The following ZCCHC7 variants were observed in gnomAD, a reference collection of about 807,000 sequenced individuals.
ZCCHC7 encodes the protein zinc finger CCHC domain-containing protein 7.
A neutral mutation model predicts 52.0 loss-of-function variants in ZCCHC7; 35 were observed. The ratio of observed to expected loss-of-function variants is 0.67; its 90% CI spans 0.51 to 0.89. The LOEUF (loss-of-function observed/expected upper bound fraction) is 0.89, where lower values mean the gene tolerates loss of function less well. Among genes scored for constraint, ZCCHC7 ranks in the 40% least tolerant of loss-of-function variants. The probability of loss-of-function intolerance (pLI) is 0.00; values close to 1 mark genes in which losing one functional copy is unlikely to be tolerated. For synonymous variants in ZCCHC7, 217 were observed against 221.5 expected, an observed-to-expected ratio of 0.98 and a Z score of 0.18; for missense variants, 574 against 649.1, an observed-to-expected ratio of 0.88 and a Z score of 1.26.
chr9:37,183,300 A>G (rs943821831), intron 2 of ZCCHC7, among the ~76,000 whole-genome samples: 1 of 152,230 alleles, frequency 6.6e-6, no homozygotes, highest in Non-Finnish European at 1.5e-5. Flanking sequence ...GAGAATAGGT[A>G]CTTGAATATA....
intron 2 of ZCCHC7, among the ~76,000 whole-genome samples, chr9:37,298,231 A>C (rs540118824): frequency 6.6e-6 from 1 of 152,364 alleles, no homozygotes; most frequent in Admixed American, 6.5e-5. Context: ...ATAGCAGAAT[A>C]GTTCCACAAA....
intron 2 of ZCCHC7, among the ~76,000 whole-genome samples, chr9:37,244,895 AC>A (rs904445307): frequency 2.6e-5 from 4 of 151,974 alleles, no homozygotes; most frequent in Admixed American, 2.6e-4. Flanking sequence ...TAAGAAGCCT[AC>A]CAAAACATGA....
intron 6 of ZCCHC7, among the ~76,000 whole-genome samples, chr9:37,336,395 A>G (rs572510073): frequency 6.6e-6 from 1 of 152,290 alleles, no homozygotes; most frequent in African/African-American, 2.4e-5. Context: ...GCAAAAGAAC[A>G]TTACTTCCCC....
intron 6 of ZCCHC7, among the ~76,000 whole-genome samples, chr9:37,347,217 T>G (rs1821042829): frequency 6.6e-6 from 1 of 152,158 alleles, no homozygotes; most frequent in Non-Finnish European, 1.5e-5. Flanking sequence ...TTTCAACTTC[T>G]CCATCTCCAT....
chr9:37,309,417 T>C (rs1370734307), intron 5 of ZCCHC7, among the ~76,000 whole-genome samples: 1 of 152,236 alleles, frequency 6.6e-6, no homozygotes, highest in African/African-American at 2.4e-5. Flanking sequence ...ACCCTGAATC[T>C]TAAGAGATGA....
At chr9:37,174,415 A>G (rs986154296) in intron 2 of ZCCHC7, among the ~76,000 whole-genome samples, 1 of 152,216 alleles carries the variant, frequency 6.6e-6, no homozygotes, top group Admixed American at 6.5e-5. Flanking sequence ...AAAAAAGGAA[A>G]TAACATGAAT....
chr9:37,214,085 T>C (rs1824380464), intron 2 of ZCCHC7, among the ~76,000 whole-genome samples: 3 of 150,700 alleles, frequency 2.0e-5, no homozygotes, highest in Admixed American at 2.0e-4. Context: ...TTACAAAGAA[T>C]CACTTATTCC....
intron 2 of ZCCHC7, among the ~76,000 whole-genome samples, chr9:37,171,604 G>A (rs1821732655): frequency 6.6e-6 from 1 of 151,876 alleles, no homozygotes; most frequent in African/African-American, 2.4e-5. Context: ...GTTTTTTTTA[G>A]AGATGGTGTC....
chr9:37,357,518 A>C lies in ZCCHC7; in HGVS notation c.*250A>C, dbSNP rs1813071528. ...CTATTCCAATATGTCATCTTTACTC[A>C]GAATCCTAGGGATAGGTAGAAGAAT... is the stretch of plus-strand genomic sequence containing the variant. On this transcript the variant is annotated 3_prime_UTR_variant, in exon 9 of 9. Coordinates refer to ENST00000336755, the MANE Select transcript of ZCCHC7 (RefSeq NM_032226.3). 3.4e-6 allele frequency: 1 copy of C among 290,382 alleles called. No homozygotes were observed. The highest frequency in any genetic ancestry group is 6.3e-6 in the Non-Finnish European group (1 of 158,928). 18.0% of individuals were successfully genotyped at this position (290,382 alleles called of 1,614,324 possible).
At chr9:37,239,824 C>T (rs560233227) in intron 2 of ZCCHC7, among the ~76,000 whole-genome samples, 1 of 152,140 alleles carries the variant, frequency 6.6e-6, no homozygotes, top group African/African-American at 2.4e-5. Context: ...CTGTGCTTTA[C>T]CTGTATGTTT....
intron 2 of ZCCHC7, among the ~76,000 whole-genome samples, chr9:37,217,848 A>G (rs1327704491): frequency 6.6e-6 from 1 of 152,206 alleles, no homozygotes; most frequent in East Asian, 1.9e-4. Flanking sequence ...TATGAAGATA[A>G]ATCATTTTTT....
chr9:37,141,257 C>G (rs1207748317), intron 2 of ZCCHC7, among the ~76,000 whole-genome samples: 3 of 151,214 alleles, frequency 2.0e-5, no homozygotes, highest in African/African-American at 7.3e-5. Context: ...TCCACTTTTT[C>G]TTTTTTGTTA....
At chr9:37,294,221 TTG>T (rs1336131080) in intron 2 of ZCCHC7, among the ~76,000 whole-genome samples, 8 of 152,160 alleles carry the variant, frequency 5.3e-5, no homozygotes, top group Non-Finnish European at 1.2e-4. Context: ...GAATGTGGCA[TTG>T]TGTGTATTTC....
chr9:37,346,730 C>CT (rs1398990228), intron 6 of ZCCHC7, among the ~76,000 whole-genome samples: 1 of 152,156 alleles, frequency 6.6e-6, no homozygotes, highest in East Asian at 1.9e-4. Context: ...AGTCTCAGCA[C>CT]TTTAGGAGGC....
At chr9:37,336,470 A>G (rs1830666665) in intron 6 of ZCCHC7, among the ~76,000 whole-genome samples, 1 of 152,152 alleles carries the variant, frequency 6.6e-6, no homozygotes, top group African/African-American at 2.4e-5. Context: ...AGAGTATTAC[A>G]GTGGAATAAG....
intron 2 of ZCCHC7, among the ~76,000 whole-genome samples, chr9:37,134,854 T>C (rs1349067115): frequency 6.6e-6 from 1 of 152,110 alleles, no homozygotes; most frequent in Non-Finnish European, 1.5e-5. Flanking sequence ...GCCTCCCGAG[T>C]AGCTAGGATT....
chr9:37,311,121 G>A (rs902245955), intron 5 of ZCCHC7, among the ~76,000 whole-genome samples: 1 of 152,098 alleles, frequency 6.6e-6, no homozygotes. Context: ...AGCCAATTCT[G>A]TGATACCATA....
At chr9:37,335,937 T>A (rs1017072266) in intron 6 of ZCCHC7, among the ~76,000 whole-genome samples, 1 of 152,300 alleles carries the variant, frequency 6.6e-6, no homozygotes, top group African/African-American at 2.4e-5. Flanking sequence ...CATCTGAATA[T>A]AGTTCTCTAT....
chr9:37,239,172 TTGTG>T (rs1488368196), intron 2 of ZCCHC7, among the ~76,000 whole-genome samples: 1 of 152,188 alleles, frequency 6.6e-6, no homozygotes, highest in Non-Finnish European at 1.5e-5. Context: ...TGTGTTATTA[TTGTG>T]TGTTGCAGAA....
Sources: gnomAD v4.1 joint callset for allele counts (sites outside exome capture counted in the v4.1 genomes callset) on GRCh38, gnomAD v4.1.1 for gene constraint, MANE v1.5 for transcripts, NCBI Gene and HGNC (gene_info 2026-07-23, HGNC 2026-07-21) for gene names.